The following TM6SF2 variants were observed in gnomAD, a reference collection of about 807,000 sequenced individuals.
TM6SF2 encodes transmembrane 6 superfamily member 2.
In TM6SF2, 29 loss-of-function variants were observed where a neutral mutation model predicts 41.0. That is an observed-to-expected ratio of 0.71 (90% CI 0.53 to 0.96). The LOEUF (loss-of-function observed/expected upper bound fraction) is 0.96. TM6SF2 is among the 50% of genes least tolerant of loss of function. TM6SF2 has a pLI of 0.00. For missense variants in TM6SF2, 475 were observed against 499.0 expected (o/e 0.95, Z 0.46); for synonymous variants, 200 against 209.1 (o/e 0.96, Z 0.37).
In TM6SF2 at chr19:19,264,690, G is replaced by C; in HGVS notation, c.1108C>G (p.Leu370Val). 1 of 1,563,516 alleles carries C rather than the reference G, an allele frequency of 6.4e-7. No individual in the cohort carries two copies. Among genetic ancestry groups the C allele is most frequent in the Non-Finnish European group, 8.7e-7 (1 of 1,153,184 alleles). Residue 370 changes from leucine (L) to valine (V), a missense_variant, in exon 10 of 10, where the codon CTA becomes GTA. This residue lies in a region of TM6SF2 where 190 missense variants were observed against 190.2 expected (regional missense o/e 1.00). Transcript: ENST00000389363. The stretch of plus-strand genomic sequence containing the variant: ...CAATGCTGCTTCTTGTGGAGGGCTA[G>C]GGGGTCGGAGGGTGGTGGCTGGTGG... Reference protein sequence around the residue: ...FFHQPPPSDPLALHKKQH With the variant: ...FFHQPPPSDPVALHKKQH
At position 19,268,498 on chromosome 19, in the gene TM6SF2, G is replaced by A. The variant is rs909175521; in HGVS notation, c.609+132C>T. 6.9e-5 allele frequency: 92 copies of A among 1,336,124 alleles called. No individual in the cohort carries two copies. The African/African-American group carries it at 9.2e-4, about 13-fold the overall frequency. The allele number at this position is 1,336,124 out of a possible 1,614,324, so 82.8% of individuals were successfully genotyped here. On this transcript the variant is annotated intron_variant, in intron 6 of 9. Coordinates refer to ENST00000389363, the MANE Select transcript of TM6SF2 (RefSeq NM_001001524.3). ...GTTGGGATTACAGGCATGAGCCACC[G>A]CACCCAGCCCTCCCTTCTTTCTTGT...
In TM6SF2 at chr19:19,270,338, C is replaced by A. The variant is rs1392442155; in HGVS notation, c.297+7G>T. 6.2e-7 allele frequency: 1 copy of A among 1,613,982 alleles called. No homozygotes were observed. The highest frequency in any genetic ancestry group is 1.3e-5 in the African/African-American group (1 of 74,942). Reference sequence around the variant, plus strand: ...GGTAGGGGGCTCCCTGGTCGTCCCCCAAGTACCTCCTTGGTGTAGAACTCC... The same window carrying A: ...GGTAGGGGGCTCCCTGGTCGTCCCCAAAGTACCTCCTTGGTGTAGAACTCC... On this transcript the variant is annotated splice_region_variant and intron_variant, in intron 3 of 9. Transcript: ENST00000389363.
chr19:19,273,081 C>CCA, intron 1 of TM6SF2, 40 bp downstream of exon 1: 1 of 962,318 alleles, frequency 1.0e-6, no homozygotes. Context: ...CGCCCGCCCC[C>CCA]ACTGTCCCCA....
intron 7 of TM6SF2, 72 bp from the exon 8 acceptor site, chr19:19,267,785 C>T: frequency 1.4e-6 from 2 of 1,442,762 alleles, no homozygotes; most frequent in Non-Finnish European, 1.9e-6. Context: ...CCTCCCAGGC[C>T]CACACCCCTT....
At position 19,264,772 on chromosome 19, in the gene TM6SF2, C is replaced by G. The variant is rs746292831; in HGVS notation, c.1026G>C (p.Leu342=). ...CCAGCAGGTGGGGGCCCAGCGCATA[C>G]AGCAGATTGCACACGAAGAAGCAGC... ...TWGCFFVCNL[L]YALGPHLLAY... The change falls in exon 10 of 10, where the codon CTG becomes CTC. Residue 342 remains leucine (L), a synonymous_variant. Transcript: ENST00000389363. 2.5e-6 allele frequency: 4 copies of G among 1,610,868 alleles called. No homozygotes were observed. The highest frequency in any genetic ancestry group is 3.4e-6 in the Non-Finnish European group (4 of 1,178,688).
intron 1 of TM6SF2, among the ~76,000 whole-genome samples, chr19:19,272,243 C>T (rs2061026529): frequency 6.6e-6 from 1 of 152,222 alleles, no homozygotes; most frequent in South Asian, 2.1e-4. Context: ...CCCCTCAGAA[C>T]CCAAGATTTC....
At chr19:19,266,391 G>T (rs1469499466) in intron 9 of TM6SF2, 99 bp downstream of exon 9, 3 of 1,511,324 alleles carry the variant, frequency 2.0e-6, no homozygotes, top group East Asian at 2.3e-5. Context: ...CCTCTTGGGG[G>T]CTCATCATTA....
chr19:19,267,535 G>C, intron 8 of TM6SF2, 86 bp downstream of exon 8: 1 of 998,112 alleles, frequency 1.0e-6, no homozygotes, highest in Non-Finnish European at 1.5e-6. Context: ...GCCTGTTTGA[G>C]TTGTGCTTCT....
In TM6SF2 at chr19:19,267,659, G is replaced by A. The variant is rs2061008049; in HGVS notation, c.766C>T (p.Pro256Ser). ...TAGGCCACAGGGTCCCGCAGGTATGGCTCATACTGGTAGATATAGACAAAG... is the reference window on the plus strand; with the variant it reads ...TAGGCCACAGGGTCCCGCAGGTATGACTCATACTGGTAGATATAGACAAAG... The part of the protein sequence containing the change: ...ACFVYIYQYE[P>S]YLRDPVAYPK... The change falls in exon 8 of 10, where the codon CCA (proline) becomes TCA (serine). Residue 256 changes from proline (P) to serine (S), a missense_variant. Pro to Ser is a moderately conservative substitution (Grantham distance 74, BLOSUM62 -1). This residue lies in a region of TM6SF2 where 190 missense variants were observed against 190.2 expected (regional missense o/e 1.00). Transcript: ENST00000389363. The A allele has an allele frequency of 1.2e-6, 2 of 1,613,760 alleles. No homozygotes were observed. The highest frequency in any genetic ancestry group is 2.2e-5 in the East Asian group (1 of 44,864).
chr19:19,273,069 C>A, intron 1 of TM6SF2, 52 bp downstream of exon 1: 1 of 487,750 alleles, frequency 2.1e-6, no homozygotes, highest in Non-Finnish European at 3.6e-6. Flanking sequence ...CCTCCCCGCC[C>A]CCGCCCGCCC....
At chr19:19,272,692 G>GGTGTGTGTGTGTGTGT (rs55690765) in intron 1 of TM6SF2, among the ~76,000 whole-genome samples, 25 of 136,786 alleles carry the variant, frequency 1.8e-4, no homozygotes, top group African/African-American at 6.4e-4. Flanking sequence ...AATGGAGTAG[G>GGTGTGTGTGTGTGTGT]GTGTGTGTGT....
At chr19:19,268,784 C>T in intron 5 of TM6SF2, 30 bp from the exon 6 acceptor site, 1 of 1,563,338 alleles carries the variant, frequency 6.4e-7, no homozygotes, top group Non-Finnish European at 8.6e-7. Context: ...AGGGCATCAG[C>T]CATGCCAGAA....
rs1262639959 is a variant in TM6SF2, at chr19:19,273,205, G to A, written c.11C>T (p.Pro4Leu). The change falls in exon 1 of 10, where the codon CCG (proline) becomes CTG (leucine). Residue 4 changes from proline to leucine, a missense_variant. Transcript: ENST00000389363. ...CGCCGCGATCTTGCCGGCCAGCGGCGGGATGTCCATAGCGGCGGCTGCTGG... is the reference window on the plus strand; with the variant it reads ...CGCCGCGATCTTGCCGGCCAGCGGCAGGATGTCCATAGCGGCGGCTGCTGG... Reference protein sequence around the residue: MDIPPLAGKIAALS... With the variant: MDILPLAGKIAALS... 6.9e-7 allele frequency: 1 copy of A among 1,444,308 alleles called. No homozygotes were observed. The highest frequency in any genetic ancestry group is 9.1e-7 in the Non-Finnish European group (1 of 1,101,300). The allele number at this position is 1,444,308 out of a possible 1,614,324, so 89.5% of individuals were successfully genotyped here.
intron 9 of TM6SF2, among the ~76,000 whole-genome samples, chr19:19,265,945 G>A (rs147139822): frequency 3.3e-5 from 5 of 152,162 alleles, no homozygotes; most frequent in African/African-American, 7.2e-5. Flanking sequence ...TTCCCTGGCC[G>A]GGGCCCAGGA....
intron 1 of TM6SF2, 60 bp downstream of exon 1, chr19:19,273,061 T>TGGCCCCCCCCCCCCCCCCCCCCCCCCCCC: frequency 6.5e-6 from 2 of 305,470 alleles, no homozygotes; most frequent in Non-Finnish European, 6.1e-6. Context: ...CCTCCAGTCC[T>TGGCCCCCCCCCCCCCCCCCCCCCCCCCCC]CCCCGCCCCC....
chr19:19,273,059 C>CCAGGG, intron 1 of TM6SF2, 62 bp downstream of exon 1: 8 of 411,632 alleles, frequency 1.9e-5, no homozygotes, highest in Admixed American at 9.2e-5. Context: ...CACCTCCAGT[C>CCAGGG]CTCCCCGCCC....
In TM6SF2 at chr19:19,273,219, G is replaced by T; in HGVS notation, c.-4C>A. On this transcript the variant is annotated 5_prime_UTR_variant, in exon 1 of 10. Transcript: ENST00000389363. ...CGGCCAGCGGCGGGATGTCCATAGC[G>T]GCGGCTGCTGGACCCCGGCTCAGCC... 1 of 1,412,562 alleles carries T rather than the reference G, an allele frequency of 7.1e-7. No individual in the cohort carries two copies. The highest frequency in any genetic ancestry group is 9.2e-7 in the Non-Finnish European group (1 of 1,084,314). The allele number at this position is 1,412,562 out of a possible 1,614,324, so 87.5% of individuals were successfully genotyped here.
intron 9 of TM6SF2, 96 bp from the exon 10 acceptor site, chr19:19,264,969 A>C: frequency 1.3e-6 from 1 of 790,710 alleles, no homozygotes; most frequent in East Asian, 3.3e-5. Flanking sequence ...GGCAGAACCC[A>C]GGGGATGCCC....
At chr19:19,265,098 G>A (rs1277329140) in intron 9 of TM6SF2, among the ~76,000 whole-genome samples, 1 of 146,656 alleles carries the variant, frequency 6.8e-6, no homozygotes, top group Admixed American at 6.9e-5. Flanking sequence ...CTGGAGTGCA[G>A]TGGTGCAATC....
Sources: gnomAD v4.1 joint callset for allele counts (sites outside exome capture counted in the v4.1 genomes callset) on GRCh38, gnomAD v4.1.1 for gene constraint, gnomAD v4.1.1 regional missense constraint, MANE v1.5 for transcripts, NCBI Gene and HGNC (gene_info 2026-07-23, HGNC 2026-07-21) for gene names.